SNX7: variants seen among roughly 807,000 people sequenced by gnomAD.
SNX7 encodes sorting nexin-7.
In SNX7, 35 loss-of-function variants were observed where a neutral mutation model predicts 48.4. The observed-to-expected ratio is 0.72, with a 90% CI of 0.55 to 0.96. SNX7 has a LOEUF of 0.96. SNX7 is among the 40% of genes least tolerant of loss of function. The pLI, the probability that SNX7 is intolerant of heterozygous loss-of-function variation, is 0.00. For synonymous variants in SNX7, 190 were observed against 190.2 expected, an observed-to-expected ratio of 1.00 and a Z score of 0.01; for missense variants, 553 against 548.9, an observed-to-expected ratio of 1.01 and a Z score of -0.07.
chr1:98,741,637 G>A lies in SNX7; in HGVS notation c.1278+3248G>A, dbSNP rs147231108. On this transcript the variant is annotated intron_variant, in intron 8 of 8. Transcript: ENST00000306121. ...ACAAATCCATTTGAGCAGGGTGAAT[G>A]ATTTCAAAGTATATTGATACCCAAA... Among the ~76,000 whole-genome samples, 58 of 152,270 alleles carry A rather than the reference G, an allele frequency of 3.8e-4. No individual in the cohort carries two copies. In the East Asian group the frequency reaches 0.011, roughly 28 times the overall value.
chr1:98,716,073 C>A (rs965761939), intron 7 of SNX7, among the ~76,000 whole-genome samples: 12 of 152,272 alleles, frequency 7.9e-5, no homozygotes, highest in African/African-American at 2.6e-4. Context: ...CCCTTTCTGA[C>A]AGCGAGAGAC....
chr1:98,677,079 T>C (rs1161002094), intron 1 of SNX7, among the ~76,000 whole-genome samples: 3 of 152,156 alleles, frequency 2.0e-5, no homozygotes, highest in Admixed American at 1.3e-4. Flanking sequence ...GGGGAACAAA[T>C]GTATCTAAAA....
At chr1:98,687,230 CA>C in intron 2 of SNX7, among the ~76,000 whole-genome samples, 1 of 152,158 alleles carries the variant, frequency 6.6e-6, no homozygotes, top group East Asian at 1.9e-4. Context: ...AAAGGTTACA[CA>C]ACATTGTAAT....
At chr1:98,741,705 A>G (rs936884894) in intron 8 of SNX7, among the ~76,000 whole-genome samples, 8 of 152,130 alleles carry the variant, frequency 5.3e-5, no homozygotes, top group African/African-American at 1.7e-4. Context: ...AGGGATTCTA[A>G]AACAGTAAAA....
intron 1 of SNX7, among the ~76,000 whole-genome samples, chr1:98,677,746 C>T (rs1029206661): frequency 2.0e-5 from 3 of 151,944 alleles, no homozygotes; most frequent in Non-Finnish European, 4.4e-5. Context: ...GGCGTGGTGG[C>T]AGGCACCTGT....
intron 7 of SNX7, among the ~76,000 whole-genome samples, 198 bp from the exon 8 acceptor site, chr1:98,738,039 A>G (rs565798614): frequency 6.6e-6 from 1 of 152,222 alleles, no homozygotes; most frequent in East Asian, 1.9e-4. Flanking sequence ...ATAGAACTGT[A>G]CTCTACAACC....
At chr1:98,692,808 ATGGTGGC>A (rs779824828) in intron 4 of SNX7, among the ~76,000 whole-genome samples, 6 of 152,202 alleles carry the variant, frequency 3.9e-5, no homozygotes, top group Non-Finnish European at 7.3e-5. Context: ...TCAACTGCAT[ATGGTGGC>A]ATGTAAGTCA....
chr1:98,665,690 G>C (rs1344988266), intron 1 of SNX7, among the ~76,000 whole-genome samples: 1 of 152,132 alleles, frequency 6.6e-6, no homozygotes, highest in East Asian at 1.9e-4. Context: ...CCGGGTTCAA[G>C]CAATTCTCCT....
At position 98,691,535 on chromosome 1, in the gene SNX7, C is replaced by T. The variant is rs1183746899; in HGVS notation, c.475C>T (p.Pro159Ser). 1 of 1,568,708 alleles carries T rather than the reference C, an allele frequency of 6.4e-7. No homozygotes were observed. The highest frequency in any genetic ancestry group is 2.3e-5 in the East Asian group (1 of 43,198). The stretch of plus-strand genomic sequence containing the variant: ...ACCTTTTTAATTTTTTTTGCCTTAG[C>T]CATTGCCAGAAAAGTTTATAGTAAA... ...EEAHPTLIIP[P>S]LPEKFIVKGM... is the part of the protein sequence containing the mutation. The change falls in exon 4 of 9, where the codon CCA (proline) becomes TCA (serine). Residue 159 changes from proline (P) to serine (S), a missense_variant and splice_region_variant. Transcript: ENST00000306121.
intron 8 of SNX7, among the ~76,000 whole-genome samples, chr1:98,756,935 C>T (rs1408157940): frequency 1.3e-5 from 2 of 152,076 alleles, no homozygotes; most frequent in Non-Finnish European, 2.9e-5. Flanking sequence ...GTATTTGGAT[C>T]ATAGTGGTGG....
chr1:98,673,345 C>T (rs1649981952), intron 1 of SNX7, among the ~76,000 whole-genome samples: 2 of 152,158 alleles, frequency 1.3e-5, no homozygotes. Context: ...GTATAGCTGA[C>T]TCCTTCTCAC....
At chr1:98,736,690 T>C (rs1428552286) in intron 7 of SNX7, among the ~76,000 whole-genome samples, 3 of 152,184 alleles carry the variant, frequency 2.0e-5, no homozygotes, top group Non-Finnish European at 2.9e-5. Context: ...ATGAGAGATT[T>C]ATGTAATACC....
chr1:98,720,889 G>C (rs1396443689), intron 7 of SNX7, among the ~76,000 whole-genome samples: 1 of 152,030 alleles, frequency 6.6e-6, no homozygotes, highest in East Asian at 1.9e-4. Flanking sequence ...AGCTTTGGTA[G>C]GGATTCAGAC....
chr1:98,736,277 A>G (rs1352012534), intron 7 of SNX7, among the ~76,000 whole-genome samples: 2 of 152,154 alleles, frequency 1.3e-5, no homozygotes, highest in Non-Finnish European at 1.5e-5. Context: ...GTTACAATTG[A>G]TGTACGTACC....
chr1:98,756,299 C>A (rs1403180035), intron 8 of SNX7, among the ~76,000 whole-genome samples: 6 of 151,156 alleles, frequency 4.0e-5, no homozygotes, highest in Admixed American at 6.6e-5. Context: ...ATTTTTAATT[C>A]ATTAGATTTT....
intron 2 of SNX7, among the ~76,000 whole-genome samples, chr1:98,685,362 GA>G (rs1449348093): frequency 6.6e-6 from 1 of 152,036 alleles, no homozygotes; most frequent in Admixed American, 6.6e-5. Context: ...AATACCTTTG[GA>G]AAAGATGGGC....
At chr1:98,722,787 CAATGATG>C (rs1441811103) in intron 7 of SNX7, among the ~76,000 whole-genome samples, 2 of 138,430 alleles carry the variant, frequency 1.4e-5, no homozygotes, top group Non-Finnish European at 3.3e-5. Context: ...AAAAGGAAAA[CAATGATG>C]ATATTTTTAA....
intron 7 of SNX7, among the ~76,000 whole-genome samples, chr1:98,723,574 A>T (rs1011586705): frequency 6.6e-6 from 1 of 152,044 alleles, no homozygotes; most frequent in Admixed American, 6.6e-5. Flanking sequence ...TTCTACATAG[A>T]AAATTCTAGG....
intron 1 of SNX7, among the ~76,000 whole-genome samples, chr1:98,673,117 C>G (rs1649972246): frequency 6.6e-6 from 1 of 152,120 alleles, no homozygotes; most frequent in Admixed American, 6.5e-5. Flanking sequence ...GTGTAACATT[C>G]ATTTATCACA....
Sources: gnomAD v4.1 joint callset for allele counts (sites outside exome capture counted in the v4.1 genomes callset) on GRCh38, gnomAD v4.1.1 for gene constraint, MANE v1.5 for transcripts, NCBI Gene and HGNC (gene_info 2026-07-23, HGNC 2026-07-21) for gene names.